The following KDM4E variants were observed in gnomAD, a reference collection of about 807,000 sequenced individuals.
KDM4E encodes the protein lysine demethylase 4E.
For missense variants in KDM4E, 576 were observed against 642.6 expected, an observed-to-expected ratio of 0.90 and a Z score of 1.12; for synonymous variants, 229 against 232.9, an observed-to-expected ratio of 0.98 and a Z score of 0.15.
chr11:95,027,129 G>A lies in KDM4E; in HGVS notation c.*51G>A, dbSNP rs1483616543. The A allele has an allele frequency of 2.0e-6, 3 of 1,516,520 alleles. No homozygotes were observed. The highest frequency in any genetic ancestry group is 2.8e-5 in the African/African-American group (2 of 72,080). 93.9% of individuals were successfully genotyped at this position (1,516,520 alleles called of 1,614,324 possible). A position where few individuals can be genotyped will look rare whatever the true frequency, so the allele number is the denominator to read the frequency against. ...GGCTTCTGGCTGCTGCTGTGTCCCT[G>A]ATCTTCAACTCCTGGGGCCCCCACT... On this transcript the variant is annotated 3_prime_UTR_variant, in exon 1 of 1. Transcript: ENST00000450979.
chr11:95,025,302 T>C lies in KDM4E; in HGVS notation c.-256T>C, dbSNP rs1858246249. On this transcript the variant is annotated 5_prime_UTR_variant, in exon 1 of 1. Transcript: ENST00000450979. ...GAAGCCTCACAGTGACACCCCCAAC[T>C]GAGGAAACTCACAGAGCTGGGACAT... The C allele has an allele frequency of 2.8e-5, 12 of 431,904 alleles. No individual in the cohort carries two copies. The highest frequency in any genetic ancestry group is 6.0e-4 in the Middle Eastern group (1 of 1,668). The allele number at this position is 431,904 out of a possible 1,614,324, so 26.8% of individuals were successfully genotyped here. A position where few individuals can be genotyped will look rare whatever the true frequency, so the allele number is the denominator to read the frequency against.
rs569891190 is a variant in KDM4E, at chr11:95,026,770, T to C, written c.1213T>C (p.Ser405Pro). 2.1e-5 allele frequency: 32 copies of C among 1,537,242 alleles called. No individual in the cohort carries two copies. In the South Asian group the frequency reaches 3.6e-4, roughly 17 times the overall value. ...CTGTGGCACTGATGCTGTGCCTGGATCCGCATTCCAAAGCTCTGCATATCA... is the reference window on the plus strand; with the variant it reads ...CTGTGGCACTGATGCTGTGCCTGGACCCGCATTCCAAAGCTCTGCATATCA... ...KGCGTDAVPGSAFQSSAYHTQ... is the reference protein window; with the variant it reads ...KGCGTDAVPGPAFQSSAYHTQ... The change falls in exon 1 of 1, where the codon TCC becomes CCC. Residue 405 changes from serine (S) to proline (P), a missense_variant. Transcript: ENST00000450979.
rs1414995998 is a variant in KDM4E at position 95,027,192 on chromosome 11, CTATCCCTCA to C, written c.*115_*123del. Reference sequence around the variant, plus strand: ...AACCATGCACCCTGGCCTGTGCCTGCTATCCCTCAACAGCACTACTAGTAATCTCCCTGA... The same window carrying C: ...AACCATGCACCCTGGCCTGTGCCTGCACAGCACTACTAGTAATCTCCCTGA... On this transcript the variant is annotated 3_prime_UTR_variant, in exon 1 of 1. Transcript: ENST00000450979. 18 of 1,361,852 alleles carry C rather than the reference CTATCCCTCA, an allele frequency of 1.3e-5. No individual in the cohort carries two copies. The highest frequency in any genetic ancestry group is 1.7e-5 in the Non-Finnish European group (17 of 1,027,364). The allele number at this position is 1,361,852 out of a possible 1,614,324, so 84.4% of individuals were successfully genotyped here.
At position 95,025,326 on chromosome 11, in the gene KDM4E, A is replaced by G; in HGVS notation, c.-232A>G. 2 of 511,688 alleles carry G rather than the reference A, an allele frequency of 3.9e-6. No homozygotes were observed. The highest frequency in any genetic ancestry group is 3.9e-5 in the South Asian group (1 of 25,788). 31.7% of individuals were successfully genotyped at this position (511,688 alleles called of 1,614,324 possible). A position where few individuals can be genotyped will look rare whatever the true frequency, so the allele number is the denominator to read the frequency against. On this transcript the variant is annotated 5_prime_UTR_variant, in exon 1 of 1. Transcript: ENST00000450979. Reference sequence around the variant, plus strand: ...CTGAGGAAACTCACAGAGCTGGGACATACTCTACTTCTTCAGAAAAAAGTA... The same window carrying G: ...CTGAGGAAACTCACAGAGCTGGGACGTACTCTACTTCTTCAGAAAAAAGTA...
Position 95,026,078 on chromosome 11 carries a change from C to T in KDM4E, c.521C>T (p.Thr174Ile), listed in dbSNP as rs1386571850. The T allele has an allele frequency of 1.9e-6, 3 of 1,614,050 alleles. No individual in the cohort carries two copies. Among genetic ancestry groups the T allele is most frequent in the Admixed American group, 1.7e-5 (1 of 60,018 alleles). Residue 174 changes from threonine to isoleucine, a missense_variant, in exon 1 of 1, where the codon ACA becomes ATA. Thr to Ile is a moderately conservative substitution (Grantham distance 89). Coordinates refer to ENST00000450979, the MANE Select transcript of KDM4E (RefSeq NM_001161630.1). ...GGGGTTGTCATCGAGGGTGTCAACA[C>T]ACCCTACCTGTACTTTGGCATGTGG... ...ECGVVIEGVN[T>I]PYLYFGMWKT...
At position 95,026,447 on chromosome 11, in the gene KDM4E, GGATT is replaced by G. The variant is rs1289833531; in HGVS notation, c.895_898del (p.Asp299MetfsTer15). 9.9e-6 allele frequency: 16 copies of G among 1,610,762 alleles called. No homozygotes were observed. The South Asian group carries it at 1.2e-4, about 12-fold the overall frequency. ...GCCATTAATTTTGCCACTCCACGATGGATTGATTATGGCAAAATGGCCTCTCAGT... is the reference window on the plus strand; with the variant it reads ...GCCATTAATTTTGCCACTCCACGATGGATTATGGCAAAATGGCCTCTCAGT... On this transcript the variant is annotated frameshift_variant, in exon 1 of 1. Coordinates refer to ENST00000450979, the MANE Select transcript of KDM4E (RefSeq NM_001161630.1). LOFTEE classifies it low-confidence loss of function (END_TRUNC).
At position 95,025,984 on chromosome 11, in the gene KDM4E, G is replaced by T; in HGVS notation, c.427G>T (p.Glu143Ter). ...YGADISGSLF[E>*]ESTKQWNLGH... ...TGCTGATATCAGCGGCTCCTTATTT[G>T]AAGAAAGCACTAAACAATGGAACCT... Residue 143 changes from glutamate (E) to a stop codon, truncating the protein, a stop_gained, in exon 1 of 1, where the codon GAA (glutamate) becomes TAA (stop). Transcript: ENST00000450979. LOFTEE classifies it low-confidence loss of function (END_TRUNC). 6.3e-7 allele frequency: 1 copy of T among 1,598,198 alleles called. No homozygotes were observed. The highest frequency in any genetic ancestry group is 8.5e-7 in the Non-Finnish European group (1 of 1,174,478).
At position 95,025,456 on chromosome 11, in the gene KDM4E, A is replaced by G. The variant is rs1555102533; in HGVS notation, c.-102A>G. 1 of 1,435,836 alleles carries G rather than the reference A, an allele frequency of 7.0e-7. No individual in the cohort carries two copies. The highest frequency in any genetic ancestry group is 1.4e-5 in the African/African-American group (1 of 69,712). The allele number at this position is 1,435,836 out of a possible 1,614,324, so 88.9% of individuals were successfully genotyped here. On this transcript the variant is annotated 5_prime_UTR_variant, in exon 1 of 1. Coordinates refer to ENST00000450979, the MANE Select transcript of KDM4E (RefSeq NM_001161630.1). ...TACTGTCTCACAGATAAACCAAAGT[A>G]TTTTGAAAAACAAAGGGGAGAAAAG...
In KDM4E at chr11:95,025,934, A is replaced by G; in HGVS notation, c.377A>G (p.His126Arg). 1 of 1,572,600 alleles carries G rather than the reference A, an allele frequency of 6.4e-7. No homozygotes were observed. Among genetic ancestry groups the G allele is most frequent in the Non-Finnish European group, 8.6e-7 (1 of 1,163,804 alleles). Residue 126 changes from histidine (H) to arginine (R), a missense_variant, in exon 1 of 1, where the codon CAC (histidine) becomes CGC (arginine). Coordinates refer to ENST00000450979, the MANE Select transcript of KDM4E (RefSeq NM_001161630.1). ...TTGGAGCAACGATACTGGAAGAGCCACCCCGGTAATCCACCAATTTATGGT... is the reference window on the plus strand; with the variant it reads ...TTGGAGCAACGATACTGGAAGAGCCGCCCCGGTAATCCACCAATTTATGGT... ...ADLEQRYWKS[H>R]PGNPPIYGAD...
rs781924037 is a variant in KDM4E at position 95,025,851 on chromosome 11, T to C, written c.294T>C (p.Tyr98=). ...AGAAAGCCATGAGGGTGGGGCAGTA[T>C]CGCCGCTTGGCAAACAGTAAAAAAT... ...KKKKAMRVGQ[Y]RRLANSKKYQ... Residue 98 remains tyrosine, a synonymous_variant, in exon 1 of 1, where the codon TAT becomes TAC. Transcript: ENST00000450979. 1.3e-6 allele frequency: 2 copies of C among 1,596,190 alleles called. No homozygotes were observed. Among genetic ancestry groups the C allele is most frequent in the Admixed American group, 3.4e-5 (2 of 59,196 alleles).
chr11:95,026,271 C>T lies in KDM4E; in HGVS notation c.714C>T (p.Phe238=), dbSNP rs1555102807. 6.2e-7 allele frequency: 1 copy of T among 1,614,100 alleles called. No homozygotes were observed. The highest frequency in any genetic ancestry group is 8.5e-7 in the Non-Finnish European group (1 of 1,180,008). The change falls in exon 1 of 1, where the codon TTC becomes TTT. Residue 238 remains phenylalanine, a synonymous_variant. Transcript: ENST00000450979. ...ACATTTCTCGGGGCTGTGAGGCCTTCCTGCGGCACAAAGTGGCCCTCATCT... is the reference window on the plus strand; with the variant it reads ...ACATTTCTCGGGGCTGTGAGGCCTTTCTGCGGCACAAAGTGGCCCTCATCT... ...FPDISRGCEA[F]LRHKVALISP...
At position 95,025,784 on chromosome 11, in the gene KDM4E, C is replaced by A. The variant is rs1555102620; in HGVS notation, c.227C>A (p.Thr76Asn). Residue 76 changes from threonine (T) to asparagine (N), a missense_variant, in exon 1 of 1, where the codon ACC (threonine) becomes AAC (asparagine). By Grantham distance (65) the Thr-to-Asn change is moderately conservative. Transcript: ENST00000450979. The part of the protein sequence containing the change: ...ILIATPLQQV[T>N]SGQGGVFTQY... ...ATAGCCACTCCCCTCCAGCAGGTGACCTCTGGGCAGGGAGGTGTGTTTACT... is the reference window on the plus strand; with the variant it reads ...ATAGCCACTCCCCTCCAGCAGGTGAACTCTGGGCAGGGAGGTGTGTTTACT... The A allele has an allele frequency of 1.3e-6, 2 of 1,590,980 alleles. No individual in the cohort carries two copies. Among genetic ancestry groups the A allele is most frequent in the South Asian group, 2.2e-5 (2 of 88,938 alleles).
rs1555102830 is a variant in KDM4E, at chr11:95,026,337, C to G, written c.780C>G (p.Cys260Trp). The G allele has an allele frequency of 5.6e-6, 9 of 1,614,110 alleles. No individual in the cohort carries two copies. Among genetic ancestry groups the G allele is most frequent in the Non-Finnish European group, 7.6e-6 (9 of 1,180,022 alleles). The change falls in exon 1 of 1, where the codon TGC becomes TGG. Residue 260 changes from cysteine to tryptophan, a missense_variant. Physicochemically the swap from Cys to Trp is radical, Grantham distance 215. Transcript: ENST00000450979. ...VLKENGIPFN[C>W]MTQEAGEFMV... ...AGGAAAATGGGATTCCCTTCAATTG[C>G]ATGACTCAGGAGGCTGGGGAGTTCA...
rs1858252935 is a variant in KDM4E, at chr11:95,025,664, A to G, written c.107A>G (p.Glu36Gly). The G allele has an allele frequency of 5.8e-6, 9 of 1,544,966 alleles. No homozygotes were observed. The highest frequency in any genetic ancestry group is 7.8e-6 in the Non-Finnish European group (9 of 1,150,634). ...ADFNTYVAYM[E>G]SQGAHQAGLA... ...TTCAACACATATGTTGCTTACATGGAGTCCCAAGGCGCACATCAAGCTGGC... is the reference window on the plus strand; with the variant it reads ...TTCAACACATATGTTGCTTACATGGGGTCCCAAGGCGCACATCAAGCTGGC... The change falls in exon 1 of 1, where the codon GAG becomes GGG. Residue 36 changes from glutamate to glycine, a missense_variant. Glu to Gly is a moderately conservative substitution (Grantham distance 98). Coordinates refer to ENST00000450979, the MANE Select transcript of KDM4E (RefSeq NM_001161630.1).
chr11:95,027,223 C>G lies in KDM4E; in HGVS notation c.*145C>G, dbSNP rs532171688. The G allele has an allele frequency of 1.8e-6, 2 of 1,103,316 alleles. No individual in the cohort carries two copies. The highest frequency in any genetic ancestry group is 2.5e-6 in the Non-Finnish European group (2 of 796,270). The allele number at this position is 1,103,316 out of a possible 1,614,324, so 68.3% of individuals were successfully genotyped here. A position where few individuals can be genotyped will look rare whatever the true frequency, so the allele number is the denominator to read the frequency against. On this transcript the variant is annotated 3_prime_UTR_variant, in exon 1 of 1. Coordinates refer to ENST00000450979, the MANE Select transcript of KDM4E (RefSeq NM_001161630.1). ...CTCAACAGCACTACTAGTAATCTCC[C>G]TGATGTTGTCTGCATGACTCCTCCC... is the stretch of plus-strand genomic sequence containing the variant.
In KDM4E at chr11:95,026,130, G is replaced by A; in HGVS notation, c.573G>A (p.Glu191=). The change falls in exon 1 of 1, where the codon GAG becomes GAA. Residue 191 remains glutamate, a synonymous_variant. Transcript: ENST00000450979. ...AGACCACGTTTGCCTGGCACACAGA[G>A]GACATGGACCTTTACAGCATCAACT... ...MWKTTFAWHT[E]DMDLYSINYL... The A allele has an allele frequency of 2.5e-6, 4 of 1,614,150 alleles. No homozygotes were observed. Among genetic ancestry groups the A allele is most frequent in the Non-Finnish European group, 1.7e-6 (2 of 1,180,002 alleles).
chr11:95,025,994 C>G lies in KDM4E; in HGVS notation c.437C>G (p.Thr146Ser). The G allele has an allele frequency of 6.2e-7, 1 of 1,603,534 alleles. No homozygotes were observed. The highest frequency in any genetic ancestry group is 8.5e-7 in the Non-Finnish European group (1 of 1,176,284). Residue 146 changes from threonine (T) to serine (S), a missense_variant, in exon 1 of 1, where the codon ACT (threonine) becomes AGT (serine). By Grantham distance (58) the Thr-to-Ser change is moderately conservative (BLOSUM62 1). Transcript: ENST00000450979. The part of the protein sequence containing the change: ...DISGSLFEES[T>S]KQWNLGHLGT... ...AGCGGCTCCTTATTTGAAGAAAGCA[C>G]TAAACAATGGAACCTAGGACACCTG...
In KDM4E at chr11:95,026,280, C is replaced by T. The variant is rs1011086903; in HGVS notation, c.723C>T (p.His241=). ...GGGGCTGTGAGGCCTTCCTGCGGCA[C>T]AAAGTGGCCCTCATCTCGCCTACAG... The part of the protein sequence containing the change: ...ISRGCEAFLR[H]KVALISPTVL... The change falls in exon 1 of 1, where the codon CAC becomes CAT. Residue 241 remains histidine, a synonymous_variant. Transcript: ENST00000450979. 1 of 1,614,078 alleles carries T rather than the reference C, an allele frequency of 6.2e-7. No individual in the cohort carries two copies. The highest frequency in any genetic ancestry group is 8.5e-7 in the Non-Finnish European group (1 of 1,180,010).
In KDM4E at chr11:95,026,213, A is replaced by G. The variant is rs563454932; in HGVS notation, c.656A>G (p.His219Arg). The change falls in exon 1 of 1, where the codon CAC (histidine) becomes CGC (arginine). Residue 219 changes from histidine to arginine, a missense_variant. Transcript: ENST00000450979. ...GTGGTGCCCCCAGAACATGGTCAGC[A>G]CCTGGAACGCCTGGCCAGGGAGCTC... The part of the protein sequence containing the change: ...WYVVPPEHGQ[H>R]LERLARELFP... 2,743 of 1,614,022 alleles carry G rather than the reference A, an allele frequency of 1.7e-3. 67 individuals are homozygous for G. The South Asian group carries it at 0.028, about 16-fold the overall frequency.
Sources: allele counts gnomAD v4.1 joint callset, GRCh38; gene constraint gnomAD v4.1.1; transcripts MANE v1.5; gene names NCBI Gene and HGNC (gene_info 2026-07-23, HGNC 2026-07-21).